The following GALNT5 variants were observed in gnomAD, a reference collection of about 807,000 sequenced individuals.
The protein encoded by GALNT5 is UDP-GalNAc:polypeptide N-acetylgalactosaminyltransferase 5.
In GALNT5, 72 loss-of-function variants were observed where a neutral mutation model predicts 85.4. That is an observed-to-expected ratio of 0.84 (90% CI 0.70 to 1.03). The LOEUF is 1.03. Among genes scored for constraint, GALNT5 ranks in the 50% least tolerant of loss-of-function variants. The pLI, the probability that GALNT5 is intolerant of heterozygous loss-of-function variation, is 0.00. For synonymous variants in GALNT5, 404 were observed against 397.0 expected (o/e 1.02, Z -0.21); for missense variants, 1,137 against 1,135.5 (o/e 1.00, Z -0.02).
chr2:157,315,443 G>A lies in GALNT5; in HGVS notation c.*4095G>A, dbSNP rs1683678922. On this transcript the variant is annotated 3_prime_UTR_variant, in exon 10 of 10. Transcript: ENST00000259056. ...TATAATTAATTTTCTTCTTTACAAAGGGCTGTCATCTCAGGTGGGTGCATT... is the reference window on the plus strand; with the variant it reads ...TATAATTAATTTTCTTCTTTACAAAAGGCTGTCATCTCAGGTGGGTGCATT... Among the ~76,000 whole-genome samples, 1 of 152,098 alleles carries A rather than the reference G, an allele frequency of 6.6e-6. No homozygotes were observed. Among genetic ancestry groups the A allele is most frequent in the Non-Finnish European group, 1.5e-5 (1 of 68,018 alleles).
At chr2:157,289,360 A>G (rs1407011379) in intron 3 of GALNT5, among the ~76,000 whole-genome samples, 1 of 152,244 alleles carries the variant, frequency 6.6e-6, no homozygotes, top group Non-Finnish European at 1.5e-5. Flanking sequence ...TTAGCTCAGT[A>G]ACTGTCAAAC....
intron 3 of GALNT5, among the ~76,000 whole-genome samples, chr2:157,292,138 A>G (rs1402161325): frequency 6.6e-6 from 1 of 152,232 alleles, no homozygotes; most frequent in East Asian, 1.9e-4. Context: ...GGCAAAGCTC[A>G]AAAAAGTTAA....
chr2:157,306,329 A>G (rs1254119933), intron 8 of GALNT5, among the ~76,000 whole-genome samples: 1 of 152,220 alleles, frequency 6.6e-6, no homozygotes, highest in African/African-American at 2.4e-5. Flanking sequence ...GTCTGATTCC[A>G]TTCTTCTTTC....
chr2:157,274,669 T>C (rs1194830089), intron 1 of GALNT5, among the ~76,000 whole-genome samples: 1 of 152,216 alleles, frequency 6.6e-6, no homozygotes, highest in Non-Finnish European at 1.5e-5. Context: ...CACTTTTTGA[T>C]GGGGTTGTTT....
rs146404511 is a variant in GALNT5 at position 157,298,544 on chromosome 2, A to G, written c.1998-1004A>G. On this transcript the variant is annotated intron_variant, in intron 5 of 9. Transcript: ENST00000259056. Reference sequence around the variant, plus strand: ...TAAGGGGCAGCTGGTAGGGACCTCGAAAGGAGTACTTGAAACCCAGAAAAC... The same window carrying G: ...TAAGGGGCAGCTGGTAGGGACCTCGGAAGGAGTACTTGAAACCCAGAAAAC... 2.6e-5 allele frequency among the ~76,000 whole-genome samples: 4 copies of G among 152,266 alleles called. 1 individual carries two copies. The East Asian group carries it at 7.7e-4, about 29-fold the overall frequency.
chr2:157,288,042 G>A (rs559678891), intron 3 of GALNT5, among the ~76,000 whole-genome samples: 17 of 152,194 alleles, frequency 1.1e-4, no homozygotes, highest in South Asian at 4.1e-4. Context: ...CCCAGAGTCC[G>A]TCCTCTTATC....
chr2:157,263,072 C>T (rs1451869497), intron 1 of GALNT5, among the ~76,000 whole-genome samples: 1 of 151,530 alleles, frequency 6.6e-6, no homozygotes, highest in African/African-American at 2.4e-5. Flanking sequence ...CATGATCTGC[C>T]CGCCTTGGCC....
chr2:157,269,248 T>G (rs1384471022), intron 1 of GALNT5, among the ~76,000 whole-genome samples: 4 of 152,210 alleles, frequency 2.6e-5, no homozygotes, highest in Admixed American at 6.5e-5. Context: ...CTAGTTTTGC[T>G]AGATACCCGG....
chr2:157,295,744 G>A lies in GALNT5; in HGVS notation c.1823G>A (p.Ser608Asn), dbSNP rs1448790584. 2.5e-6 allele frequency: 4 copies of A among 1,610,382 alleles called. No homozygotes were observed. Among genetic ancestry groups the A allele is most frequent in the Non-Finnish European group, 2.5e-6 (3 of 1,176,702 alleles). ...LEPLLERVYL[S>N]RKKVACPVIE... is the part of the protein sequence containing the mutation. ...CCTCTTCTGGAAAGAGTTTATTTAA[G>A]TAGAAAGAAAGTGGCCTGTCCAGTA... Residue 608 changes from serine (S) to asparagine (N), a missense_variant, in exon 4 of 10, where the codon AGT (serine) becomes AAT (asparagine). By Grantham distance (46) the Ser-to-Asn change is conservative. Transcript: ENST00000259056.
At position 157,305,784 on chromosome 2, in the gene GALNT5, T is replaced by C. The variant is rs1189822081; in HGVS notation, c.2475T>C (p.Ile825=). Residue 825 remains isoleucine, a synonymous_variant, in exon 8 of 10, where the codon ATT becomes ATC. Transcript: ENST00000259056. ...TGGCTTTGGGTAAATGCATTTCCAT[T>C]GAAAACACTACAGTCATTCTGGAAG... ...INVALGKCIS[I]ENTTVILEDC... The C allele has an allele frequency of 6.2e-7, 1 of 1,609,716 alleles. No homozygotes were observed.
intron 3 of GALNT5, among the ~76,000 whole-genome samples, chr2:157,295,433 C>A (rs73966102): frequency 3.3e-5 from 5 of 151,990 alleles, no homozygotes; most frequent in African/African-American, 1.2e-4. Context: ...AATGGCTTAT[C>A]AATTTTTTCC....
rs1683728782 is a variant in GALNT5, at chr2:157,317,191, TATATATA to T, written c.*5844_*5850del. 7.1e-6 allele frequency among the ~76,000 whole-genome samples: 1 copy of T among 140,890 alleles called. No individual in the cohort carries two copies. Among genetic ancestry groups the T allele is most frequent in the Admixed American group, 7.2e-5 (1 of 13,898 alleles). 92.4% of individuals were successfully genotyped at this position (140,890 alleles called of 152,430 possible). A position where few individuals can be genotyped will look rare whatever the true frequency, so the allele number is the denominator to read the frequency against. ...ATGTGTGTGTATATATATATATATA[TATATATA>T]TTTTTTTTTTTGATGCTTTGATCTG... is the stretch of plus-strand genomic sequence containing the variant. On this transcript the variant is annotated 3_prime_UTR_variant, in exon 10 of 10. Coordinates refer to ENST00000259056, the MANE Select transcript of GALNT5 (RefSeq NM_014568.3).
intron 1 of GALNT5, among the ~76,000 whole-genome samples, chr2:157,273,341 T>A (rs1682634199): frequency 6.6e-6 from 1 of 152,180 alleles, no homozygotes; most frequent in East Asian, 1.9e-4. Flanking sequence ...AATAGACCAA[T>A]TTTTTAGTAC....
intron 7 of GALNT5, among the ~76,000 whole-genome samples, chr2:157,305,149 T>C (rs535399032): frequency 3.3e-5 from 5 of 152,312 alleles, no homozygotes; most frequent in Admixed American, 6.5e-5. Flanking sequence ...TATTTGACCC[T>C]GTAAATCCAT....
At chr2:157,309,214 TGCTGGAGCCAACTCTCACCAGCTC>T (rs1260773079) in intron 9 of GALNT5, among the ~76,000 whole-genome samples, 4 of 152,244 alleles carry the variant, frequency 2.6e-5, no homozygotes, top group African/African-American at 9.6e-5. Context: ...TCTAAGGGTC[TGCTGGAGCCAACTCTCACCAGCTC>T]GCTGGAGCCA....
rs35430045 is a variant in GALNT5 at position 157,273,630 on chromosome 2, C to CTTTTTTTT, written c.1455-10630_1455-10623dup. Among the ~76,000 whole-genome samples the CTTTTTTTT allele has an allele frequency of 3.0e-3, 71 of 23,744 alleles. 25 individuals are homozygous for CTTTTTTTT. The highest frequency in any genetic ancestry group is 0.016 in the African/African-American group (49 of 3,056). 15.6% of individuals were successfully genotyped at this position (23,744 alleles called of 152,430 possible). ...TTATTTGAAAACAGCATATTTCTTG[C>CTTTTTTTT]TTTTTTTTTTTTTTTTTTTTTTTTT... On this transcript the variant is annotated intron_variant, in intron 1 of 9. Coordinates refer to ENST00000259056, the MANE Select transcript of GALNT5 (RefSeq NM_014568.3).
chr2:157,290,000 G>A (rs1278858335), intron 3 of GALNT5, among the ~76,000 whole-genome samples: 2 of 151,032 alleles, frequency 1.3e-5, no homozygotes, highest in African/African-American at 2.4e-5. Context: ...TTGAACCCGG[G>A]AGGCGGAGGT....
chr2:157,294,677 G>C (rs1172721864), intron 3 of GALNT5, among the ~76,000 whole-genome samples: 1 of 152,056 alleles, frequency 6.6e-6, no homozygotes, highest in Non-Finnish European at 1.5e-5. Flanking sequence ...CCAGTAGGTA[G>C]AGCCTTTGTA....
chr2:157,306,494 G>A (rs1459846084), intron 8 of GALNT5, among the ~76,000 whole-genome samples: 1 of 152,198 alleles, frequency 6.6e-6, no homozygotes, highest in Non-Finnish European at 1.5e-5. Flanking sequence ...CTTCCACAGT[G>A]CTGGAGGTGA....
Sources: gnomAD v4.1 joint callset for allele counts (sites outside exome capture counted in the v4.1 genomes callset) on GRCh38, gnomAD v4.1.1 for gene constraint, MANE v1.5 for transcripts, NCBI Gene and HGNC (gene_info 2026-07-23, HGNC 2026-07-21) for gene names.